The following LRRTM4 variants were observed in gnomAD, a reference collection of about 807,000 sequenced individuals.
The protein encoded by LRRTM4 is leucine rich repeat transmembrane neuronal 4.
LRRTM4 carries 25 observed loss-of-function variants against 47.6 expected under a neutral mutation model. The observed-to-expected ratio is 0.53, with a 90% CI of 0.38 to 0.73. The LOEUF (loss-of-function observed/expected upper bound fraction) is 0.73. Among genes scored for constraint, LRRTM4 ranks in the 30% least tolerant of loss-of-function variants. The probability of loss-of-function intolerance (pLI) is 0.00; values close to 1 mark genes in which losing one functional copy is unlikely to be tolerated. For synonymous variants in LRRTM4, 311 were observed against 269.5 expected (o/e 1.15, Z -1.51); for missense variants, 638 against 713.4 (o/e 0.89, Z 1.20).
chr2:76,912,121 A>G (rs765561142), intron 3 of LRRTM4, among the ~76,000 whole-genome samples: 13 of 151,948 alleles, frequency 8.6e-5, no homozygotes, highest in Non-Finnish European at 1.3e-4. Flanking sequence ...AGGTTTCACC[A>G]TGTTATCCAG....
At chr2:76,860,354 T>A (rs766211462) in intron 3 of LRRTM4, among the ~76,000 whole-genome samples, 5 of 152,080 alleles carry the variant, frequency 3.3e-5, no homozygotes, top group Non-Finnish European at 7.4e-5. Flanking sequence ...TGTCTAAGAG[T>A]CAATAATGAT....
At chr2:77,198,892 T>G (rs1180524829) in intron 3 of LRRTM4, among the ~76,000 whole-genome samples, 1 of 152,150 alleles carries the variant, frequency 6.6e-6, no homozygotes, top group East Asian at 1.9e-4. Flanking sequence ...TATATTATTT[T>G]CTTATTACTT....
intron 3 of LRRTM4, among the ~76,000 whole-genome samples, chr2:76,904,783 G>A (rs951547833): frequency 2.0e-5 from 3 of 152,066 alleles, no homozygotes; most frequent in African/African-American, 7.2e-5. Context: ...AAAATGAAAG[G>A]GGAGGTATAA....
At chr2:76,894,848 A>C (rs190954848) in intron 3 of LRRTM4, among the ~76,000 whole-genome samples, 1 of 151,872 alleles carries the variant, frequency 6.6e-6, no homozygotes, top group Admixed American at 6.6e-5. Flanking sequence ...TGCAATACAT[A>C]TATACACATG....
At chr2:76,977,559 G>A (rs993848134) in intron 3 of LRRTM4, among the ~76,000 whole-genome samples, 5 of 151,742 alleles carry the variant, frequency 3.3e-5, no homozygotes, top group Non-Finnish European at 7.4e-5. Flanking sequence ...TGATTTCCAA[G>A]GTATCTAAAG....
intron 3 of LRRTM4, among the ~76,000 whole-genome samples, chr2:77,096,751 A>G (rs1241751707): frequency 6.6e-6 from 1 of 151,650 alleles, no homozygotes; most frequent in Non-Finnish European, 1.5e-5. Flanking sequence ...TATTATTGGG[A>G]AAAATGAATA....
At chr2:76,956,293 A>G (rs1675673176) in intron 3 of LRRTM4, among the ~76,000 whole-genome samples, 1 of 151,722 alleles carries the variant, frequency 6.6e-6, no homozygotes, top group African/African-American at 2.4e-5. Flanking sequence ...TAGCAGAATA[A>G]AAACTGAAAA....
intron 3 of LRRTM4, among the ~76,000 whole-genome samples, chr2:77,050,678 G>T (rs1357343924): frequency 1.3e-5 from 2 of 152,144 alleles, no homozygotes; most frequent in African/African-American, 2.4e-5. Flanking sequence ...CTTGAATATT[G>T]CAAAATACAT....
intron 3 of LRRTM4, among the ~76,000 whole-genome samples, chr2:76,759,906 C>T (rs1472389424): frequency 6.6e-6 from 1 of 152,050 alleles, no homozygotes; most frequent in African/African-American, 2.4e-5. Flanking sequence ...TGTTTATTTT[C>T]TTCATAGCAT....
chr2:77,355,060 C>T (rs1671920033), intron 3 of LRRTM4, among the ~76,000 whole-genome samples: 6 of 152,160 alleles, frequency 3.9e-5, no homozygotes, highest in Admixed American at 3.9e-4. Context: ...TGAGAAAGAA[C>T]ATGATCCTCT....
intron 3 of LRRTM4, among the ~76,000 whole-genome samples, chr2:77,079,086 A>C (rs896724553): frequency 6.6e-6 from 1 of 152,232 alleles, no homozygotes; most frequent in Non-Finnish European, 1.5e-5. Flanking sequence ...ATTGAGGGTC[A>C]GGATTTCAAC....
chr2:76,885,687 A>C (rs1673053476), intron 3 of LRRTM4, among the ~76,000 whole-genome samples: 1 of 151,974 alleles, frequency 6.6e-6, no homozygotes, highest in African/African-American at 2.4e-5. Context: ...AGATGGTCTC[A>C]ATCTCCTGAC....
intron 3 of LRRTM4, among the ~76,000 whole-genome samples, chr2:77,456,940 T>C (rs893497021): frequency 1.4e-5 from 2 of 145,928 alleles, no homozygotes; most frequent in African/African-American, 2.5e-5. Context: ...AACATAAATA[T>C]ATATTAAATT....
intron 3 of LRRTM4, among the ~76,000 whole-genome samples, chr2:76,997,436 A>G (rs1677242101): frequency 6.6e-6 from 1 of 152,198 alleles, no homozygotes; most frequent in East Asian, 1.9e-4. Context: ...CCTCCAGCTC[A>G]GGCCTCATCA....
chr2:77,190,500 A>G (rs1673638557), intron 3 of LRRTM4, among the ~76,000 whole-genome samples: 1 of 151,894 alleles, frequency 6.6e-6, no homozygotes, highest in South Asian at 2.1e-4. Flanking sequence ...GGGTTTTGCC[A>G]TGTTGGCCAG....
chr2:76,839,086 G>C (rs1445931940), intron 3 of LRRTM4, among the ~76,000 whole-genome samples: 1 of 152,066 alleles, frequency 6.6e-6, no homozygotes, highest in African/African-American at 2.4e-5. Flanking sequence ...AAATGTTTTT[G>C]TAGCATTTCT....
At chr2:77,508,962 C>A (rs951651205) in intron 3 of LRRTM4, among the ~76,000 whole-genome samples, 2 of 152,008 alleles carry the variant, frequency 1.3e-5, no homozygotes, top group African/African-American at 4.8e-5. Context: ...CAGGCCACAG[C>A]AGCTCATGCC....
chr2:76,788,056 G>GT (rs1674775613), intron 3 of LRRTM4, among the ~76,000 whole-genome samples: 1 of 152,090 alleles, frequency 6.6e-6, no homozygotes, highest in African/African-American at 2.4e-5. Flanking sequence ...ATGAATGAAT[G>GT]TTACTGTTGT....
intron 3 of LRRTM4, among the ~76,000 whole-genome samples, chr2:76,946,912 C>G (rs1007043934): frequency 2.6e-5 from 4 of 151,860 alleles, no homozygotes; most frequent in Non-Finnish European, 5.9e-5. Flanking sequence ...ATGAGGCACA[C>G]TTGTCATACA....
Sources: gnomAD v4.1 joint callset for allele counts (sites outside exome capture counted in the v4.1 genomes callset) on GRCh38, gnomAD v4.1.1 for gene constraint, MANE v1.5 for transcripts, NCBI Gene and HGNC (gene_info 2026-07-23, HGNC 2026-07-21) for gene names.